CNTLN: variants seen among roughly 807,000 people sequenced by gnomAD.
CNTLN encodes centlein, also known as centlein, centrosomal protein.
Under a neutral mutation model 180.0 loss-of-function variants are expected in CNTLN, and 212 were observed. That is an observed-to-expected ratio of 1.18 (90% confidence interval 1.05 to 1.32). The LOEUF is 1.32. Ranked by LOEUF, CNTLN falls within the 40% of genes most tolerant of loss-of-function variation. The pLI, the probability that CNTLN is intolerant of heterozygous loss-of-function variation, is 0.00. For synonymous variants in CNTLN, 722 were observed against 563.1 expected, an observed-to-expected ratio of 1.28 and a Z score of -3.99; for missense variants, 2,095 against 1,610.9, an observed-to-expected ratio of 1.30 and a Z score of -5.14.
At chr9:17,491,739 T>A (rs1182586447) in intron 25 of CNTLN, among the ~76,000 whole-genome samples, 4 of 152,126 alleles carry the variant, frequency 2.6e-5, no homozygotes, top group Non-Finnish European at 5.9e-5. Flanking sequence ...CCTTTAAATA[T>A]CTCTGTTCCT....
At chr9:17,250,696 A>C (rs553364459) in intron 5 of CNTLN, among the ~76,000 whole-genome samples, 4 of 152,188 alleles carry the variant, frequency 2.6e-5, no homozygotes, top group Admixed American at 6.5e-5. Flanking sequence ...AATGTGTAAA[A>C]AGTTTATACA....
At chr9:17,403,736 G>T (rs10810788) in intron 15 of CNTLN, among the ~76,000 whole-genome samples, 1 of 151,358 alleles carries the variant, frequency 6.6e-6, no homozygotes, top group Non-Finnish European at 1.5e-5. Context: ...GTAGGGAGGT[G>T]GCCTAGTCAG....
At chr9:17,346,551 A>T (rs866388505) in intron 12 of CNTLN, among the ~76,000 whole-genome samples, 1 of 152,272 alleles carries the variant, frequency 6.6e-6, no homozygotes, top group South Asian at 2.1e-4. Flanking sequence ...AAAATTTGCT[A>T]CTTCCTTTTG....
At chr9:17,267,289 C>T (rs1364377878) in intron 5 of CNTLN, among the ~76,000 whole-genome samples, 1 of 152,100 alleles carries the variant, frequency 6.6e-6, no homozygotes, top group African/African-American at 2.4e-5. Flanking sequence ...ATTTCTCCTT[C>T]ACTTATGAAG....
rs1554691994 is a variant in CNTLN, at chr9:17,338,337, G to GTATT, written c.1645-2489_1645-2488insATTT. Among the ~76,000 whole-genome samples the GTATT allele has an allele frequency of 3.6e-3, 357 of 100,446 alleles. 5 individuals are homozygous for GTATT. The highest frequency in any genetic ancestry group is 0.013 in the African/African-American group (339 of 26,016). The allele number at this position is 100,446 out of a possible 152,430, so 65.9% of individuals were successfully genotyped here. A position where few individuals can be genotyped will look rare whatever the true frequency, so the allele number is the denominator to read the frequency against. On this transcript the variant is annotated intron_variant, in intron 10 of 25. Transcript: ENST00000380647. ...CTGCTATCACTCCTGGCTAATTTTTGTTTTTTTTTTTTTTTTTTAGAGATG... is the reference window on the plus strand; with the variant it reads ...CTGCTATCACTCCTGGCTAATTTTTGTATTTTTTTTTTTTTTTTTTTTAGAGATG...
intron 7 of CNTLN, among the ~76,000 whole-genome samples, chr9:17,307,193 C>A (rs754666726): frequency 2.6e-5 from 4 of 152,230 alleles, no homozygotes; most frequent in Admixed American, 6.5e-5. Context: ...GCAATACTTT[C>A]TTTTAAAAGA....
At chr9:17,396,204 C>G (rs1036758778) in intron 15 of CNTLN, among the ~76,000 whole-genome samples, 1 of 152,216 alleles carries the variant, frequency 6.6e-6, no homozygotes, top group Non-Finnish European at 1.5e-5. Context: ...ACCAGCACCC[C>G]TCAGGGCTAC....
intron 2 of CNTLN, among the ~76,000 whole-genome samples, chr9:17,162,205 G>C (rs1401275659): frequency 6.6e-6 from 1 of 151,800 alleles, no homozygotes; most frequent in African/African-American, 2.4e-5. Context: ...AGCTCCACCT[G>C]CCGTGTTCAC....
rs534134069 is a variant in CNTLN, at chr9:17,157,839, G to T, written c.449+14463G>T. Among the ~76,000 whole-genome samples the T allele has an allele frequency of 2.0e-5, 3 of 152,306 alleles. No homozygotes were observed. The East Asian group carries it at 5.8e-4, about 29-fold the overall frequency. On this transcript the variant is annotated intron_variant, in intron 2 of 25. Transcript: ENST00000380647. ...TAAATTTAGATTCAGGAAGGATAGT[G>T]ATGCAAAGCAACCACAGGTTGTCCA...
intron 23 of CNTLN, among the ~76,000 whole-genome samples, chr9:17,474,746 T>C (rs983159776): frequency 2.6e-5 from 4 of 151,854 alleles, no homozygotes; most frequent in African/African-American, 9.7e-5. Flanking sequence ...CAAGCGCCTG[T>C]AATCCCTGCT....
chr9:17,188,115 T>C (rs770925161), intron 2 of CNTLN, among the ~76,000 whole-genome samples: 2 of 151,626 alleles, frequency 1.3e-5, no homozygotes, highest in Admixed American at 1.3e-4. Context: ...CAAAGTTTCA[T>C]ATCTGAAGAT....
At chr9:17,421,000 C>G (rs549966770) in intron 18 of CNTLN, among the ~76,000 whole-genome samples, 1 of 152,260 alleles carries the variant, frequency 6.6e-6, no homozygotes, top group Non-Finnish European at 1.5e-5. Context: ...TCTTGAGACT[C>G]ATCCATATGC....
At chr9:17,441,018 T>C (rs543369809) in intron 18 of CNTLN, among the ~76,000 whole-genome samples, 1 of 151,842 alleles carries the variant, frequency 6.6e-6, no homozygotes, top group African/African-American at 2.4e-5. Context: ...TGCACAACTC[T>C]GTAAATATAC....
chr9:17,292,764 A>G (rs1305914019), intron 6 of CNTLN, among the ~76,000 whole-genome samples: 3 of 152,078 alleles, frequency 2.0e-5, no homozygotes, highest in Admixed American at 2.0e-4. Flanking sequence ...TGGCTCAGCT[A>G]AGTTCATTGT....
In CNTLN at chr9:17,307,169, T is replaced by A. The variant is rs113061853; in HGVS notation, c.1147-1889T>A. On this transcript the variant is annotated intron_variant, in intron 7 of 25. Coordinates refer to ENST00000380647, the MANE Select transcript of CNTLN (RefSeq NM_017738.4). ...TATAAATTGATGTTCTAAATTTTTTTATAAATCATATAGGCAATACTTTCT... is the reference window on the plus strand; with the variant it reads ...TATAAATTGATGTTCTAAATTTTTTAATAAATCATATAGGCAATACTTTCT... Among the ~76,000 whole-genome samples, 11 of 152,364 alleles carry A rather than the reference T, an allele frequency of 7.2e-5. 1 individual carries two copies. The highest frequency in any genetic ancestry group is 2.6e-4 in the African/African-American group (11 of 41,580).
chr9:17,197,458 A>G lies in CNTLN; in HGVS notation c.450-28745A>G, dbSNP rs887461136. On this transcript the variant is annotated intron_variant, in intron 2 of 25. Transcript: ENST00000380647. ...TCTAGGGTACATGTGCACAGTGTGC[A>G]GTTTTGTTACATATGTATACATGTG... Among the ~76,000 whole-genome samples the G allele has an allele frequency of 4.6e-5, 7 of 152,088 alleles. No individual in the cohort carries two copies. The South Asian group carries it at 1.4e-3, about 32-fold the overall frequency.
chr9:17,499,233 T>G (rs1348281590), intron 25 of CNTLN, among the ~76,000 whole-genome samples: 3 of 152,204 alleles, frequency 2.0e-5, no homozygotes, highest in African/African-American at 7.2e-5. Context: ...TGTGGTACTA[T>G]AAGATTTTGA....
At chr9:17,149,966 C>G (rs977201115) in intron 2 of CNTLN, among the ~76,000 whole-genome samples, 2 of 152,252 alleles carry the variant, frequency 1.3e-5, no homozygotes, top group South Asian at 4.1e-4. Flanking sequence ...TGAGAAGTGT[C>G]TGTTCATATC....
At chr9:17,365,690 T>C (rs1269936790) in intron 12 of CNTLN, among the ~76,000 whole-genome samples, 9 of 152,230 alleles carry the variant, frequency 5.9e-5, no homozygotes, top group Admixed American at 5.9e-4. Flanking sequence ...GCGGGTGTTG[T>C]GGCTCATGCC....
Sources: allele counts gnomAD v4.1 joint callset (sites outside exome capture counted in the v4.1 genomes callset), GRCh38; gene constraint gnomAD v4.1.1; transcripts MANE v1.5; gene names NCBI Gene and HGNC (gene_info 2026-07-23, HGNC 2026-07-21).